Variants in ERP44 observed in about 807,000 individuals in gnomAD.
ERP44 encodes the protein endoplasmic reticulum protein 44.
In ERP44, 25 loss-of-function variants were observed where a neutral mutation model predicts 53.4. The observed-to-expected ratio is 0.47, with a 90% CI of 0.34 to 0.65. ERP44 has a LOEUF of 0.65. Ranked by LOEUF, ERP44 falls within the 30% of genes least tolerant of loss-of-function variation. The pLI is 0.01. For synonymous variants in ERP44, 145 were observed against 161.2 expected (o/e 0.90, Z 0.76); for missense variants, 338 against 493.2 (o/e 0.69, Z 2.98).
rs757764057 is a variant in ERP44 at position 100,007,594 on chromosome 9, T to C, written c.858A>G (p.Gln286=). 2 of 1,529,224 alleles carry C rather than the reference T, an allele frequency of 1.3e-6. No homozygotes were observed. The highest frequency in any genetic ancestry group is 1.8e-6 in the Non-Finnish European group (2 of 1,102,638). The allele number at this position is 1,529,224 out of a possible 1,614,324, so 94.7% of individuals were successfully genotyped here. A position where few individuals can be genotyped will look rare whatever the true frequency, so the allele number is the denominator to read the frequency against. ...TCTGTCTACCTTTTTCACTTATTAA[T>C]TGCCGAGCTACTTCATTCTGGAATA... ...LEIFQNEVAR[Q]LISEKGTINF... Residue 286 remains glutamine (Q), a synonymous_variant, in exon 9 of 12, where the codon CAA becomes CAG. Coordinates refer to ENST00000262455, the MANE Select transcript of ERP44 (RefSeq NM_015051.3).
At chr9:100,056,816 G>A (rs1282692179) in intron 3 of ERP44, among the ~76,000 whole-genome samples, 1 of 152,174 alleles carries the variant, frequency 6.6e-6, no homozygotes, top group Non-Finnish European at 1.5e-5. Flanking sequence ...ATGTGGAAGT[G>A]GAGAGAGGCC....
intron 4 of ERP44, among the ~76,000 whole-genome samples, chr9:100,048,985 A>C (rs1826007525): frequency 1.3e-5 from 2 of 152,384 alleles, no homozygotes; most frequent in Admixed American, 1.3e-4. Context: ...TGTACAATTT[A>C]AAATGGTAAG....
At chr9:100,011,091 G>A (rs1468665518) in intron 8 of ERP44, among the ~76,000 whole-genome samples, 2 of 151,852 alleles carry the variant, frequency 1.3e-5, no homozygotes, top group East Asian at 3.9e-4. Flanking sequence ...TGATATAAAG[G>A]ACTTCAAACG....
chr9:100,037,906 C>G (rs769927483), intron 4 of ERP44, among the ~76,000 whole-genome samples: 9 of 152,102 alleles, frequency 5.9e-5, no homozygotes, highest in Non-Finnish European at 1.3e-4. Context: ...CAGTGGAAAC[C>G]TTACGTGCCA....
At chr9:99,989,925 T>C (rs1336185353) in intron 10 of ERP44, among the ~76,000 whole-genome samples, 1 of 152,106 alleles carries the variant, frequency 6.6e-6, no homozygotes, top group African/African-American at 2.4e-5. Context: ...AGGGTATCAG[T>C]GATTGAAGAT....
chr9:99,982,438 C>G lies in ERP44; in HGVS notation c.*174G>C. The G allele has an allele frequency of 3.6e-6, 1 of 280,424 alleles. No individual in the cohort carries two copies. The highest frequency in any genetic ancestry group is 6.4e-6 in the Non-Finnish European group (1 of 156,180). 17.4% of individuals were successfully genotyped at this position (280,424 alleles called of 1,614,324 possible). On this transcript the variant is annotated 3_prime_UTR_variant, in exon 12 of 12. Coordinates refer to ENST00000262455, the MANE Select transcript of ERP44 (RefSeq NM_015051.3). ...CAGGTTTTTTTTTTTTAAGAGGCTA[C>G]TATATTAAATGACAATGCATTTTGA...
chr9:100,026,020 G>GGAAAGGAA (rs1180825816), intron 4 of ERP44, among the ~76,000 whole-genome samples: 1 of 152,188 alleles, frequency 6.6e-6, no homozygotes, highest in East Asian at 1.9e-4. Flanking sequence ...TGACATTCCA[G>GGAAAGGAA]GAAAGGAAGA....
intron 1 of ERP44, among the ~76,000 whole-genome samples, chr9:100,082,681 C>T (rs1295794613): frequency 6.6e-6 from 1 of 151,274 alleles, no homozygotes; most frequent in Non-Finnish European, 1.5e-5. Context: ...GCTTCGCATT[C>T]TATGAATACA....
chr9:100,086,413 T>C (rs1303816547), intron 1 of ERP44, among the ~76,000 whole-genome samples: 2 of 152,170 alleles, frequency 1.3e-5, no homozygotes, highest in Non-Finnish European at 2.9e-5. Context: ...ATTTACTCAT[T>C]TCAGAGAGTC....
At chr9:99,997,518 A>G (rs901441906) in intron 10 of ERP44, among the ~76,000 whole-genome samples, 1 of 152,186 alleles carries the variant, frequency 6.6e-6, no homozygotes, top group African/African-American at 2.4e-5. Flanking sequence ...AGTTTCAGAA[A>G]GCTATTTTAA....
intron 1 of ERP44, among the ~76,000 whole-genome samples, chr9:100,079,437 C>G (rs1391147820): frequency 6.6e-6 from 1 of 151,588 alleles, no homozygotes; most frequent in African/African-American, 2.4e-5. Context: ...CACACACACA[C>G]ACACACACAC....
chr9:100,011,515 A>G (rs953871190), intron 8 of ERP44, among the ~76,000 whole-genome samples: 1 of 152,178 alleles, frequency 6.6e-6, no homozygotes. Flanking sequence ...TTGCCTTACA[A>G]TGAAAAATGG....
intron 1 of ERP44, among the ~76,000 whole-genome samples, chr9:100,083,060 G>C (rs1826444206): frequency 6.7e-6 from 1 of 150,312 alleles, no homozygotes; most frequent in South Asian, 2.1e-4. Flanking sequence ...ACAAATAATA[G>C]AAAGAATGAA....
intron 1 of ERP44, among the ~76,000 whole-genome samples, chr9:100,068,589 G>T (rs1453759243): frequency 1.4e-5 from 2 of 146,596 alleles, no homozygotes. Flanking sequence ...CCCCCAGCCC[G>T]GCCGGCTGCC....
At chr9:100,035,599 C>T (rs1043181345) in intron 4 of ERP44, among the ~76,000 whole-genome samples, 7 of 151,990 alleles carry the variant, frequency 4.6e-5, no homozygotes, top group Non-Finnish European at 1.0e-4. Context: ...TGCTTGAACC[C>T]GGTAGGCAGA....
chr9:100,052,480 T>C lies in ERP44; in HGVS notation c.223A>G (p.Ile75Val). 6.2e-7 allele frequency: 1 copy of C among 1,613,092 alleles called. No individual in the cohort carries two copies. Among genetic ancestry groups the C allele is most frequent in the South Asian group, 1.1e-5 (1 of 90,852 alleles). The stretch of plus-strand genomic sequence containing the variant: ...TTTTCATTTGGAAATTCTTCCTTAA[T>C]GACATCGGAAGCTTCCTCAAAAATT... ...HPIFEEASDV[I>V]KEEFPNENQV... The change falls in exon 4 of 12, where the codon ATT becomes GTT. Residue 75 changes from isoleucine to valine, a missense_variant. This residue lies in a region of ERP44 where 224 missense variants were observed against 301.4 expected (regional missense o/e 0.74). Transcript: ENST00000262455.
At chr9:100,052,034 CAT>C (rs1826043690) in intron 4 of ERP44, among the ~76,000 whole-genome samples, 1 of 152,148 alleles carries the variant, frequency 6.6e-6, no homozygotes, top group South Asian at 2.1e-4. Context: ...GGTATTTTCA[CAT>C]GATTCTAAAA....
At chr9:100,068,891 C>T (rs927469995) in intron 1 of ERP44, among the ~76,000 whole-genome samples, 26 of 152,166 alleles carry the variant, frequency 1.7e-4, no homozygotes, top group Non-Finnish European at 2.6e-4. Flanking sequence ...GGATGGTTGC[C>T]GTGTCTGTGT....
chr9:100,019,376 C>T (rs1007285949), intron 6 of ERP44, among the ~76,000 whole-genome samples: 1 of 151,882 alleles, frequency 6.6e-6, no homozygotes, highest in Non-Finnish European at 1.5e-5. Flanking sequence ...AGACCTCAAT[C>T]GCTTAAAAAA....
Sources: gnomAD v4.1 joint callset for allele counts (sites outside exome capture counted in the v4.1 genomes callset) on GRCh38, gnomAD v4.1.1 for gene constraint, gnomAD v4.1.1 regional missense constraint, MANE v1.5 for transcripts, NCBI Gene and HGNC (gene_info 2026-07-23, HGNC 2026-07-21) for gene names.